CEP290: variants seen among roughly 807,000 people sequenced by gnomAD.
CEP290 encodes the protein centrosomal protein 290.
CEP290 carries 317 observed loss-of-function variants against 344.9 expected under a neutral mutation model. The observed-to-expected ratio is 0.92, with a 90% CI of 0.84 to 1.01. CEP290 has a LOEUF of 1.01. Ranked by LOEUF, CEP290 falls within the 50% of genes least tolerant of loss-of-function variation. CEP290 has a pLI of 0.00. For synonymous variants in CEP290, 932 were observed against 895.8 expected, an observed-to-expected ratio of 1.04 and a Z score of -0.72; for missense variants, 2,754 against 2,761.4, an observed-to-expected ratio of 1.00 and a Z score of 0.06.
At chr12:88,100,316 A>G (rs2037779581) in intron 26 of CEP290, among the ~76,000 whole-genome samples, 2 of 151,468 alleles carry the variant, frequency 1.3e-5, no homozygotes, top group Admixed American at 1.3e-4. Flanking sequence ...ATTCTACCTC[A>G]ATCTACATCT....
At position 88,128,964 on chromosome 12, in the gene CEP290, T is replaced by C; in HGVS notation, c.924A>G (p.Ala308=). ...AAAATACCTTCCATTCTTCTACTTT[T>C]GCATTGACAGCTACCATAATTGGAT... is the stretch of plus-strand genomic sequence containing the variant. ...EDDPIMVAVN[A]KVEEWKLILS... Residue 308 remains alanine (A), a synonymous_variant, in exon 11 of 54, where the codon GCA becomes GCG. Transcript: ENST00000552810. 6.5e-7 allele frequency: 1 copy of C among 1,529,268 alleles called. No homozygotes were observed. Among genetic ancestry groups the C allele is most frequent in the Non-Finnish European group, 8.7e-7 (1 of 1,149,006 alleles). The allele number at this position is 1,529,268 out of a possible 1,614,324, so 94.7% of individuals were successfully genotyped here. A position where few individuals can be genotyped will look rare whatever the true frequency, so the allele number is the denominator to read the frequency against.
At chr12:88,086,897 C>T (rs988525502) in intron 32 of CEP290, among the ~76,000 whole-genome samples, 5 of 152,128 alleles carry the variant, frequency 3.3e-5, no homozygotes, top group South Asian at 2.1e-4. Flanking sequence ...GTATGTAATA[C>T]GTCAGAAGGT....
rs1236012068 is a variant in CEP290 at position 88,093,975 on chromosome 12, C to T, written c.3104G>A (p.Gly1035Asp). The part of the protein sequence containing the change: ...EQAWEQETKL[G>D]NESSMDKAKK... Reference sequence around the variant, plus strand: ...TGCCTTATCCATGCTAGATTCATTACCTACATGCAATAATATTTAAGTCAA... The same window carrying T: ...TGCCTTATCCATGCTAGATTCATTATCTACATGCAATAATATTTAAGTCAA... The change falls in exon 28 of 54, where the codon GGT (glycine) becomes GAT (aspartate). Residue 1035 changes from glycine to aspartate, a missense_variant and splice_region_variant. Physicochemically the swap from Gly to Asp is moderately conservative, Grantham distance 94 (BLOSUM62 -1). Coordinates refer to ENST00000552810, the MANE Select transcript of CEP290 (RefSeq NM_025114.4). 2.5e-6 allele frequency: 4 copies of T among 1,591,466 alleles called. No individual in the cohort carries two copies. The highest frequency in any genetic ancestry group is 1.8e-5 in the Admixed American group (1 of 56,790).
chr12:88,068,718 A>T lies in CEP290; in HGVS notation c.6012-73T>A, dbSNP rs1295289121. On this transcript the variant is annotated intron_variant, in intron 43 of 53. Transcript: ENST00000552810. ...TTCTGTTGTACTATATAAAAATACA[A>T]GATAAAAAAAGAAAAGTTCAGTGTG... is the stretch of plus-strand genomic sequence containing the variant. 3 of 1,460,514 alleles carry T rather than the reference A, an allele frequency of 2.1e-6. 1 individual carries two copies. The African/African-American group carries it at 4.4e-5, about 22-fold the overall frequency. 90.5% of individuals were successfully genotyped at this position (1,460,514 alleles called of 1,614,324 possible).
chr12:88,111,268 A>G lies in CEP290; in HGVS notation c.2301T>C (p.Asp767=), dbSNP rs2038668978. ...TACTGGCACTAGATGGTGCTATCCC[A>G]TCAGGTAAGTCAATTCCTTTAAAAA... ...NVVFKGIDLP[D]GIAPSSASII... The change falls in exon 22 of 54, where the codon GAT becomes GAC. Residue 767 remains aspartate (D), a synonymous_variant. Coordinates refer to ENST00000552810, the MANE Select transcript of CEP290 (RefSeq NM_025114.4). 6.5e-7 allele frequency: 1 copy of G among 1,548,782 alleles called. No individual in the cohort carries two copies.
At chr12:88,061,752 C>A (rs2034495447) in intron 46 of CEP290, among the ~76,000 whole-genome samples, 1 of 151,066 alleles carries the variant, frequency 6.6e-6, no homozygotes, top group Non-Finnish European at 1.5e-5. Flanking sequence ...TTGCTGCCAG[C>A]AAGATACTGT....
rs373421922 is a variant in CEP290, at chr12:88,141,325, T to C, written c.-18A>G. On this transcript the variant is annotated 5_prime_UTR_variant, in exon 2 of 54. Transcript: ENST00000552810. ...GGTGGCATCTTGAATTCTTTCACTG[T>C]GCTCCACCTCTGTAACAAAACAGGT... 7.5e-5 allele frequency: 116 copies of C among 1,542,964 alleles called. No individual in the cohort carries two copies. Among genetic ancestry groups the C allele is most frequent in the South Asian group, 2.1e-4 (18 of 86,522 alleles).
chr12:88,074,533 T>C (rs1431696453), intron 41 of CEP290, among the ~76,000 whole-genome samples: 1 of 152,236 alleles, frequency 6.6e-6, no homozygotes, highest in African/African-American at 2.4e-5. Flanking sequence ...CTTTTTTCCA[T>C]GGTTCCTGGC....
At chr12:88,136,011 T>G (rs986713319) in intron 6 of CEP290, 1 of 152,142 alleles carries the variant, frequency 6.6e-6, no homozygotes, top group African/African-American at 2.4e-5. Context: ...ACTTTTTTCC[T>G]AAAACTAAAT....
intron 6 of CEP290, among the ~76,000 whole-genome samples, chr12:88,132,501 T>C (rs2040133501): frequency 6.6e-6 from 1 of 152,208 alleles, no homozygotes; most frequent in Non-Finnish European, 1.5e-5. Flanking sequence ...GTGTTCATTG[T>C]AGGAGAACAT....
At chr12:88,115,240 A>AATAT (rs2038967639) in intron 18 of CEP290, 58 bp from the exon 19 acceptor site, 2 of 960,594 alleles carry the variant, frequency 2.1e-6, no homozygotes, top group African/African-American at 3.4e-5. Flanking sequence ...ACAAGTCTAT[A>AATAT]ATTTTCAAGT....
chr12:88,100,577 G>A (rs1295044456), intron 26 of CEP290, among the ~76,000 whole-genome samples: 1 of 152,074 alleles, frequency 6.6e-6, no homozygotes, highest in Non-Finnish European at 1.5e-5. Context: ...GTGCCAAACA[G>A]GAGATACTCA....
chr12:88,086,657 A>C (rs1208818345), intron 32 of CEP290, among the ~76,000 whole-genome samples, 159 bp from the exon 33 acceptor site: 1 of 151,844 alleles, frequency 6.6e-6, no homozygotes, highest in Non-Finnish European at 1.5e-5. Flanking sequence ...GAGGTGAAGT[A>C]ACTTGTGTAA....
intron 6 of CEP290, chr12:88,136,007 T>C (rs1367980511): frequency 6.6e-6 from 1 of 152,120 alleles, no homozygotes; most frequent in Admixed American, 6.5e-5. Context: ...AAAAACTTTT[T>C]TCCTAAAACT....
chr12:88,101,354 G>A (rs866792761), intron 26 of CEP290, among the ~76,000 whole-genome samples: 67 of 151,858 alleles, frequency 4.4e-4, no homozygotes, highest in African/African-American at 1.6e-3. Context: ...GATGGTGGGT[G>A]CCTGTGGTAC....
At chr12:88,082,949 C>A in intron 37 of CEP290, 82 bp downstream of exon 37, 3 of 775,084 alleles carry the variant, frequency 3.9e-6, no homozygotes, top group South Asian at 1.9e-5. Flanking sequence ...TAGAACAGTG[C>A]CTGGCATAGC....
At chr12:88,109,973 C>T (rs2468254) in intron 22 of CEP290, among the ~76,000 whole-genome samples, 140,979 of 152,130 alleles carry the variant, frequency 0.93, 65,447 homozygotes, top group East Asian at 0.99. Flanking sequence ...ATATCACATA[C>T]AAAGCAATAT....
chr12:88,062,239 C>G (rs974581805), intron 46 of CEP290, among the ~76,000 whole-genome samples: 20 of 151,906 alleles, frequency 1.3e-4, no homozygotes, highest in African/African-American at 4.8e-4. Flanking sequence ...ACCTCATAAG[C>G]AACATTTATT....
rs1399023990 is a variant in CEP290, at chr12:88,111,820, C to G, written c.2091G>C (p.Ala697=). 5 of 1,602,600 alleles carry G rather than the reference C, an allele frequency of 3.1e-6. No individual in the cohort carries two copies. Among genetic ancestry groups the G allele is most frequent in the Non-Finnish European group, 4.3e-6 (5 of 1,174,970 alleles). ...ESKNAEGIFD[A]SLHLKAQVDQ... is the part of the protein sequence containing the mutation. ...CAACTTGGGCTTTCAAATGCAGACTCGCATCAAAGATTCCTTCTGCATTCT... is the reference window on the plus strand; with the variant it reads ...CAACTTGGGCTTTCAAATGCAGACTGGCATCAAAGATTCCTTCTGCATTCT... The change falls in exon 21 of 54, where the codon GCG becomes GCC. Residue 697 remains alanine (A), a synonymous_variant. Transcript: ENST00000552810.
Sources: gnomAD v4.1 joint callset for allele counts (sites outside exome capture counted in the v4.1 genomes callset) on GRCh38, gnomAD v4.1.1 for gene constraint, MANE v1.5 for transcripts, NCBI Gene and HGNC (gene_info 2026-07-23, HGNC 2026-07-21) for gene names.